The following ITGAD variants were observed in gnomAD, a reference collection of about 807,000 sequenced individuals.
The protein encoded by ITGAD is integrin alpha-D.
ITGAD carries 105 observed loss-of-function variants against 139.0 expected under a neutral mutation model. The observed-to-expected ratio is 0.76, with a 90% confidence interval of 0.65 to 0.89. The LOEUF (loss-of-function observed/expected upper bound fraction) is 0.89, where lower values mean the gene tolerates loss of function less well. ITGAD is among the 40% of genes least tolerant of loss of function. The probability of loss-of-function intolerance (pLI) is 0.00; values close to 1 mark genes in which losing one functional copy is unlikely to be tolerated. For synonymous variants in ITGAD, 569 were observed against 598.3 expected, an observed-to-expected ratio of 0.95 and a Z score of 0.71; for missense variants, 1,384 against 1,487.3, an observed-to-expected ratio of 0.93 and a Z score of 1.14.
rs77325515 is a variant in ITGAD at position 31,393,710 on chromosome 16, G to A, written c.31+319G>A. 6.9e-3 allele frequency among the ~76,000 whole-genome samples: 1,044 copies of A among 152,146 alleles called. 7 individuals are homozygous for A. The highest frequency in any genetic ancestry group is 8.4e-3 in the Non-Finnish European group (570 of 67,978). ...CCTCCCCCGGGAGTGGAAGGCCACA[G>A]AAGCCACCAGGGAGGGGGAAAGGTT... On this transcript the variant is annotated intron_variant, in intron 1 of 29. Coordinates refer to ENST00000389202, the MANE Select transcript of ITGAD (RefSeq NM_005353.3).
At chr16:31,393,999 C>T (rs866034427) in intron 1 of ITGAD, among the ~76,000 whole-genome samples, 9 of 151,790 alleles carry the variant, frequency 5.9e-5, no homozygotes, top group East Asian at 1.9e-4. Context: ...GGCATGGTGG[C>T]GTGCACTTGT....
rs373529684 is a variant in ITGAD at position 31,411,149 on chromosome 16, T to C, written c.1430T>C (p.Ile477Thr). The C allele has an allele frequency of 2.7e-5, 44 of 1,613,916 alleles. 1 individual carries two copies. The highest frequency in any genetic ancestry group is 1.7e-4 in the Middle Eastern group (1 of 6,024). Residue 477 changes from isoleucine (I) to threonine (T), a missense_variant, in exon 13 of 30, where the codon ATT becomes ACT. Physicochemically the swap from Ile to Thr is moderately conservative, Grantham distance 89 (BLOSUM62 -1). Transcript: ENST00000389202. ...GATGGCAGCACCGACCTGATCCTCA[T>C]TGGGGCCCCCCATTACTATGAGCAG... ...DSDGSTDLIL[I>T]GAPHYYEQTR...
chr16:31,400,001 C>T (rs1347095689), intron 5 of ITGAD, among the ~76,000 whole-genome samples: 1 of 152,206 alleles, frequency 6.6e-6, no homozygotes, highest in Non-Finnish European at 1.5e-5. Context: ...AGGATAAGTC[C>T]AGGCTTCTGC....
chr16:31,420,282 G>A (rs1286882050), intron 23 of ITGAD, among the ~76,000 whole-genome samples: 1 of 152,198 alleles, frequency 6.6e-6, no homozygotes, highest in Non-Finnish European at 1.5e-5. Context: ...AGGGCTGAAG[G>A]CAAGAGGGTT....
Position 31,403,454 on chromosome 16 carries a change from T to C in ITGAD, c.559-46T>C. 2 of 1,605,196 alleles carry C rather than the reference T, an allele frequency of 1.2e-6. No homozygotes were observed. The highest frequency in any genetic ancestry group is 1.1e-5 in the South Asian group (1 of 90,558). On this transcript the variant is annotated intron_variant, in intron 6 of 29. Transcript: ENST00000389202. The surrounding 1 kb of genome is among the most constrained non-coding windows in gnomAD (Gnocchi z 4.4). ...CTACAAAAAATTAAAATAAAAACAATAGTAACAGGCACTGAGCCCTGGGCC... is the reference window on the plus strand; with the variant it reads ...CTACAAAAAATTAAAATAAAAACAACAGTAACAGGCACTGAGCCCTGGGCC...
chr16:31,411,854 G>A (rs1200033796), intron 14 of ITGAD, among the ~76,000 whole-genome samples: 1 of 152,178 alleles, frequency 6.6e-6, no homozygotes, highest in Non-Finnish European at 1.5e-5. Flanking sequence ...AACTCCTTAG[G>A]CCTCTTGTAG....
In ITGAD at chr16:31,422,754, G is replaced by A. The variant is rs562360229; in HGVS notation, c.2781-360G>A. On this transcript the variant is annotated intron_variant, in intron 23 of 29. Coordinates refer to ENST00000389202, the MANE Select transcript of ITGAD (RefSeq NM_005353.3). The stretch of plus-strand genomic sequence containing the variant: ...GTCATGAGGCTATGAAAGAGCCAGC[G>A]GTGTGCATGGCAGAGCTAGTGGATC... 9.2e-5 allele frequency among the ~76,000 whole-genome samples: 14 copies of A among 152,232 alleles called. No individual in the cohort carries two copies. The South Asian group carries it at 1.7e-3, about 18-fold the overall frequency.
rs376267809 is a variant in ITGAD, at chr16:31,403,615, C to T, written c.674C>T (p.Thr225Met). 2.0e-5 allele frequency: 33 copies of T among 1,614,152 alleles called. No individual in the cohort carries two copies. Among genetic ancestry groups the T allele is most frequent in the Admixed American group, 1.0e-4 (6 of 60,014 alleles). ...VDPIVQLKGL[T>M]FTATGILTVV... Reference sequence around the variant, plus strand: ...CCCATCGTCCAACTGAAAGGCCTGACGTTCACGGCCACGGGCATCCTGACA... The same window carrying T: ...CCCATCGTCCAACTGAAAGGCCTGATGTTCACGGCCACGGGCATCCTGACA... Residue 225 changes from threonine to methionine, a missense_variant, in exon 7 of 30, where the codon ACG (threonine) becomes ATG (methionine). Transcript: ENST00000389202. This position sits in a 1 kb window ranked among gnomAD's most constrained non-coding sequence, Gnocchi z 4.4.
intron 14 of ITGAD, 87 bp from the exon 15 acceptor site, chr16:31,412,751 C>CG: frequency 6.4e-7 from 1 of 1,551,736 alleles, no homozygotes; most frequent in South Asian, 1.2e-5. Flanking sequence ...CCTTTGCCAC[C>CG]ATCCTACCTC....
At position 31,402,185 on chromosome 16, in the gene ITGAD, T is replaced by C. The variant is rs746480837; in HGVS notation, c.498T>C (p.Phe166=). 6.2e-7 allele frequency: 1 copy of C among 1,607,488 alleles called. No individual in the cohort carries two copies. Among genetic ancestry groups the C allele is most frequent in the African/African-American group, 1.3e-5 (1 of 74,530 alleles). ...DGSGSIDQND[F]NQMKGFVQAV... is the part of the protein sequence containing the mutation. ...CTGGAAGCATTGACCAAAATGACTT[T>C]AACCAGATGAAGGGCTTTGTCCAAG... Residue 166 remains phenylalanine (F), a synonymous_variant, in exon 6 of 30, where the codon TTT becomes TTC. Coordinates refer to ENST00000389202, the MANE Select transcript of ITGAD (RefSeq NM_005353.3).
In ITGAD at chr16:31,408,800, C is replaced by G. The variant is rs1054203550; in HGVS notation, c.1083+302C>G. On this transcript the variant is annotated intron_variant, in intron 10 of 29. Coordinates refer to ENST00000389202, the MANE Select transcript of ITGAD (RefSeq NM_005353.3). Reference sequence around the variant, plus strand: ...GCCTCAGTAATGGAAAAGGCCAGCCCTGGACAAATCAGGGGAGACTGTTCT... The same window carrying G: ...GCCTCAGTAATGGAAAAGGCCAGCCGTGGACAAATCAGGGGAGACTGTTCT... Among the ~76,000 whole-genome samples the G allele has an allele frequency of 3.2e-4, 48 of 152,190 alleles. 1 individual carries two copies. Among genetic ancestry groups the G allele is most frequent in the Non-Finnish European group, 7.1e-4 (48 of 68,040 alleles).
intron 6 of ITGAD, chr16:31,402,809 A>G (rs968501125): frequency 6.6e-6 from 1 of 152,158 alleles, no homozygotes; most frequent in Non-Finnish European, 1.5e-5. Flanking sequence ...GTCTTGTTAT[A>G]TTGCCCAACC....
chr16:31,424,569 C>T lies in ITGAD; in HGVS notation c.3364C>T (p.Leu1122=). The change falls in exon 29 of 30, where the codon CTG becomes TTG. Residue 1122 remains leucine (L), a synonymous_variant. Transcript: ENST00000389202. ...ACTGCTGGCGCTCATCACAGCCACACTGTACAAGGCAAGTGTTTTATCCAA... is the reference window on the plus strand; with the variant it reads ...ACTGCTGGCGCTCATCACAGCCACATTGTACAAGGCAAGTGTTTTATCCAA... The part of the protein sequence containing the change: ...LLLLALITAT[L]YKLGFFKRHY... 1.9e-6 allele frequency: 3 copies of T among 1,580,688 alleles called. No homozygotes were observed. The highest frequency in any genetic ancestry group is 2.3e-5 in the South Asian group (2 of 86,162).
rs924868543 is a variant in ITGAD at position 31,410,459 on chromosome 16, C to T, written c.1148C>T (p.Pro383Leu). 17 of 1,613,700 alleles carry T rather than the reference C, an allele frequency of 1.1e-5. No homozygotes were observed. The highest frequency in any genetic ancestry group is 5.3e-5 in the African/African-American group (4 of 74,794). The part of the protein sequence containing the change: ...SWSGGAFLYP[P>L]NMSPTFINMS... ...TCTGGAGGTGCCTTCCTGTATCCCCCAAATATGAGCCCCACCTTCATCAAC... is the reference window on the plus strand; with the variant it reads ...TCTGGAGGTGCCTTCCTGTATCCCCTAAATATGAGCCCCACCTTCATCAAC... Residue 383 changes from proline (P) to leucine (L), a missense_variant, in exon 11 of 30, where the codon CCA becomes CTA. Transcript: ENST00000389202.
intron 2 of ITGAD, among the ~76,000 whole-genome samples, chr16:31,394,573 C>G (rs1485565449): frequency 6.6e-6 from 1 of 152,218 alleles, no homozygotes; most frequent in Non-Finnish European, 1.5e-5. Flanking sequence ...TTGAACCTGC[C>G]TCCCAGGCAG....
chr16:31,426,038 C>G lies in ITGAD; in HGVS notation c.3396C>G (p.Tyr1132Ter). ...AGCTTGGCTTCTTCAAACGCCACTA[C>G]AAGGAAATGCTGGAGGACAAGCCTG... ...LYKLGFFKRH[Y>*]KEMLEDKPED... is the part of the protein sequence containing the mutation. The change falls in exon 30 of 30, where the codon TAC becomes TAG. Residue 1132 changes from tyrosine (Y) to a stop codon, truncating the protein, a stop_gained. Transcript: ENST00000389202. LOFTEE classifies it low-confidence loss of function (END_TRUNC). The G allele has an allele frequency of 6.2e-7, 1 of 1,613,830 alleles. No individual in the cohort carries two copies. Among genetic ancestry groups the G allele is most frequent in the Non-Finnish European group, 8.5e-7 (1 of 1,179,724 alleles).
chr16:31,404,824 C>T (rs1300338761), intron 7 of ITGAD: 6 of 144,522 alleles, frequency 4.2e-5, no homozygotes, highest in African/African-American at 7.6e-5. Flanking sequence ...CTCCCTCTTT[C>T]CCTCCTTCCT....
intron 7 of ITGAD, among the ~76,000 whole-genome samples, chr16:31,405,673 C>A (rs2142697241): frequency 7.4e-6 from 1 of 134,534 alleles, no homozygotes; most frequent in South Asian, 2.4e-4. Context: ...AGACAGGTCT[C>A]ACTCTGTCTC....
rs72789321 is a variant in ITGAD at position 31,425,489 on chromosome 16, G to A, written c.3373-526G>A. Among the ~76,000 whole-genome samples, 1,392 of 152,324 alleles carry A rather than the reference G, an allele frequency of 9.1e-3. 5 individuals are homozygous for A. The highest frequency in any genetic ancestry group is 0.016 in the Non-Finnish European group (1,087 of 68,024). The stretch of plus-strand genomic sequence containing the variant: ...GATCTATGCTGTCCTGCCACGGGTC[G>A]TGTGTGTACCTACTGTGCTCGGGGC... On this transcript the variant is annotated intron_variant, in intron 29 of 29. Coordinates refer to ENST00000389202, the MANE Select transcript of ITGAD (RefSeq NM_005353.3).
Sources: allele counts gnomAD v4.1 joint callset (sites outside exome capture counted in the v4.1 genomes callset), GRCh38; gene constraint gnomAD v4.1.1; non-coding constraint Gnocchi (gnomAD v3.1); transcripts MANE v1.5; gene names NCBI Gene and HGNC (gene_info 2026-07-23, HGNC 2026-07-21).